Variants in NFILZ observed in about 807,000 individuals in gnomAD.
The protein encoded by NFILZ is NFIL3 like basic leucine zipper.
chr19:8,678,966 C>A lies in NFILZ; in HGVS notation c.*1331C>A, dbSNP rs10422871. 6.6e-6 allele frequency among the ~76,000 whole-genome samples: 1 copy of A among 151,928 alleles called. No homozygotes were observed. The highest frequency in any genetic ancestry group is 1.5e-5 in the Non-Finnish European group (1 of 67,998). The stretch of plus-strand genomic sequence containing the variant: ...AAGACCAGACTGAAGGAGGAGGTAA[C>A]GTCTAGGGTGTCTGAATCCCCCTTC... On this transcript the variant is annotated 3_prime_UTR_variant, in exon 6 of 6. Transcript: ENST00000691075.
rs538051050 is a variant in NFILZ, at chr19:8,678,078, A to T, written c.*443A>T. Among the ~76,000 whole-genome samples the T allele has an allele frequency of 3.2e-4, 1 of 3,146 alleles. No individual in the cohort carries two copies. The highest frequency in any genetic ancestry group is 2.9e-3 in the Admixed American group (1 of 346). The allele number at this position is 3,146 out of a possible 152,430, so 2.1% of individuals were successfully genotyped here. On this transcript the variant is annotated 3_prime_UTR_variant, in exon 6 of 6. Coordinates refer to ENST00000691075, the MANE Select transcript of NFILZ (RefSeq NM_001378600.1). ...CACCCATCTATTCATCCATCCATCA[A>T]TCCATCCATCCATTCCATCCATCCA...
chr19:8,672,826 GTGAAT>G (rs1555750409), intron 3 of NFILZ, among the ~76,000 whole-genome samples: 1 of 152,140 alleles, frequency 6.6e-6, no homozygotes, highest in Non-Finnish European at 1.5e-5. Context: ...TGGGGTGGAG[GTGAAT>G]TGAGGAACAT....
rs537521097 is a variant in NFILZ, at chr19:8,639,090, C to T, written c.-164+3344C>T. On this transcript the variant is annotated intron_variant, in intron 3 of 5. Transcript: ENST00000691075. ...AACTCCTGGCCTCAAGTGATCTGCC[C>T]GACTCGGCCTCCCAAAGTGGTGGGA... Among the ~76,000 whole-genome samples the T allele has an allele frequency of 4.6e-5, 7 of 152,140 alleles. No homozygotes were observed. The South Asian group carries it at 8.3e-4, about 18-fold the overall frequency.
chr19:8,636,617 T>C (rs2042896051), intron 3 of NFILZ, among the ~76,000 whole-genome samples: 1 of 151,300 alleles, frequency 6.6e-6, no homozygotes, highest in Admixed American at 6.6e-5. Context: ...GCTATGTTTT[T>C]TTTTTTAATT....
intron 3 of NFILZ, among the ~76,000 whole-genome samples, chr19:8,653,002 TCCTTC>T (rs2042973600): frequency 3.6e-3 from 104 of 29,172 alleles, no homozygotes; most frequent in African/African-American, 0.013. Context: ...CTTCCTTCCT[TCCTTC>T]CTTCCTTTCT....
At chr19:8,650,699 C>G (rs1466231904) in intron 3 of NFILZ, among the ~76,000 whole-genome samples, 1 of 150,484 alleles carries the variant, frequency 6.6e-6, no homozygotes, top group Non-Finnish European at 1.5e-5. Context: ...AAAGGAAACT[C>G]ATGCTAAAAA....
chr19:8,673,624 C>T (rs782245047), intron 3 of NFILZ, among the ~76,000 whole-genome samples: 1 of 152,138 alleles, frequency 6.6e-6, no homozygotes, highest in Non-Finnish European at 1.5e-5. Context: ...CAGGTATGGA[C>T]ACTGCAGACC....
At chr19:8,664,604 G>A (rs952215151) in intron 3 of NFILZ, among the ~76,000 whole-genome samples, 1 of 152,162 alleles carries the variant, frequency 6.6e-6, no homozygotes, top group South Asian at 2.1e-4. Context: ...TGAGGCAGGG[G>A]CTCCATCAGA....
At chr19:8,637,947 A>AAAAG (rs2042902603) in intron 3 of NFILZ, among the ~76,000 whole-genome samples, 1 of 149,494 alleles carries the variant, frequency 6.7e-6, no homozygotes, top group Non-Finnish European at 1.5e-5. Context: ...AAAGAACAGA[A>AAAAG]AAAGAAAAAC....
intron 3 of NFILZ, among the ~76,000 whole-genome samples, chr19:8,656,642 C>A (rs1370764610): frequency 6.6e-6 from 1 of 152,220 alleles, no homozygotes; most frequent in Non-Finnish European, 1.5e-5. Context: ...CCACACAGCA[C>A]AGCTGCCGCC....
rs1228330259 is a variant in NFILZ, at chr19:8,679,782, A to G, written c.*2147A>G. Reference sequence around the variant, plus strand: ...GTCACTGAGCCTCCCTTATACATCTATAAATGTTTACCTATAAATGAGCCC... The same window carrying G: ...GTCACTGAGCCTCCCTTATACATCTGTAAATGTTTACCTATAAATGAGCCC... On this transcript the variant is annotated 3_prime_UTR_variant, in exon 6 of 6. Coordinates refer to ENST00000691075, the MANE Select transcript of NFILZ (RefSeq NM_001378600.1). Among the ~76,000 whole-genome samples the G allele has an allele frequency of 6.6e-6, 1 of 152,152 alleles. No individual in the cohort carries two copies. The highest frequency in any genetic ancestry group is 2.4e-5 in the African/African-American group (1 of 41,428).
chr19:8,642,637 C>T (rs541885271), intron 3 of NFILZ, among the ~76,000 whole-genome samples: 6 of 152,128 alleles, frequency 3.9e-5, no homozygotes, highest in East Asian at 1.9e-4. Context: ...TTCTCCTCCA[C>T]GTGGCCTCTC....
rs2043044943 is a variant in NFILZ at position 8,663,728 on chromosome 19, G to GTA, written c.-163-10822_-163-10821insAT. 4.0e-5 allele frequency among the ~76,000 whole-genome samples: 3 copies of GTA among 74,300 alleles called. 1 individual carries two copies. Among genetic ancestry groups the GTA allele is most frequent in the Admixed American group, 1.6e-4 (1 of 6,202 alleles). The allele number at this position is 74,300 out of a possible 152,430, so 48.7% of individuals were successfully genotyped here. On this transcript the variant is annotated intron_variant, in intron 3 of 5. Coordinates refer to ENST00000691075, the MANE Select transcript of NFILZ (RefSeq NM_001378600.1). The stretch of plus-strand genomic sequence containing the variant: ...GTGTGGTGTGTGTGTGTGTTTGTGT[G>GTA]TGTGTGTGTGTGTGTGTGTGTGTGT...
chr19:8,677,119 G>A lies in NFILZ; in HGVS notation c.354G>A (p.Trp118Ter), dbSNP rs2043113978. The change falls in exon 6 of 6, where the codon TGG (tryptophan) becomes TGA (stop). Residue 118 changes from tryptophan (W) to a stop codon, truncating the protein, a stop_gained. Transcript: ENST00000691075. LOFTEE classifies it low-confidence loss of function (END_TRUNC). The stretch of plus-strand genomic sequence containing the variant: ...AGGCTCTGCTATTGGAAGCCCCCTG[G>A]ACTGGGGACCCCCGGCCTGGGGCTG... ...PLQALLLEAP[W>*]TGDPRPGAEA... is the part of the protein sequence containing the mutation. 6.6e-6 allele frequency: 1 copy of A among 152,576 alleles called. No individual in the cohort carries two copies. The highest frequency in any genetic ancestry group is 2.4e-5 in the African/African-American group (1 of 41,478). The allele number at this position is 152,576 out of a possible 1,614,324, so 9.5% of individuals were successfully genotyped here.
intron 3 of NFILZ, among the ~76,000 whole-genome samples, chr19:8,673,690 C>T (rs782430047): frequency 6.6e-6 from 1 of 152,006 alleles, no homozygotes; most frequent in Non-Finnish European, 1.5e-5. Flanking sequence ...TGGAGTCCCT[C>T]CCATGAATAG....
chr19:8,667,841 C>G (rs1465218940), intron 3 of NFILZ, among the ~76,000 whole-genome samples: 1 of 152,154 alleles, frequency 6.6e-6, no homozygotes, highest in Non-Finnish European at 1.5e-5. Context: ...CCACAGTGCC[C>G]TGCCCTCCCA....
At chr19:8,666,128 G>T (rs1461136363) in intron 3 of NFILZ, among the ~76,000 whole-genome samples, 1 of 151,700 alleles carries the variant, frequency 6.6e-6, no homozygotes, top group Non-Finnish European at 1.5e-5. Flanking sequence ...CTTCATCTGG[G>T]GTGTCTTTGG....
intron 3 of NFILZ, among the ~76,000 whole-genome samples, chr19:8,656,321 CTGAA>C (rs2042995602): frequency 1.3e-5 from 1 of 77,590 alleles, no homozygotes; most frequent in African/African-American, 3.5e-5. Context: ...CACCTCCTCC[CTGAA>C]GCCCCCTTCT....
At chr19:8,653,021 T>TTTCTTTCC (rs2042974439) in intron 3 of NFILZ, among the ~76,000 whole-genome samples, 1 of 58,202 alleles carries the variant, frequency 1.7e-5, no homozygotes, top group Admixed American at 2.1e-4. Context: ...CCTTTCTTTC[T>TTTCTTTCC]TTCTTTCTTT....
Sources: gnomAD v4.1 joint callset for allele counts (sites outside exome capture counted in the v4.1 genomes callset) on GRCh38, gnomAD v4.1.1 for gene constraint, MANE v1.5 for transcripts, NCBI Gene and HGNC (gene_info 2026-07-23, HGNC 2026-07-21) for gene names.